ABCB9: variants seen among roughly 807,000 people sequenced by gnomAD.
The protein encoded by ABCB9 is ABC-type oligopeptide transporter ABCB9.
A neutral mutation model predicts 62.0 loss-of-function variants in ABCB9; 36 were observed. That is an observed-to-expected ratio of 0.58 (90% CI 0.45 to 0.77). The LOEUF (loss-of-function observed/expected upper bound fraction) is 0.77, where lower values mean the gene tolerates loss of function less well. Ranked by LOEUF, ABCB9 falls within the 30% of genes least tolerant of loss-of-function variation. The probability of loss-of-function intolerance (pLI) is 0.00; values close to 1 mark genes in which losing one functional copy is unlikely to be tolerated. For missense variants in ABCB9, 943 were observed against 1,054.7 expected (o/e 0.89, Z 1.47); for synonymous variants, 435 against 461.4 (o/e 0.94, Z 0.73).
intron 1 of ABCB9, chr12:122,973,033 G>C (rs1566206231): frequency 6.6e-6 from 1 of 152,194 alleles, no homozygotes; most frequent in Non-Finnish European, 1.5e-5. Flanking sequence ...TAAAATGGGG[G>C]TAATAATACC....
downstream of ABCB9, among the ~76,000 whole-genome samples, chr12:122,926,644 T>G (rs537305442): frequency 6.6e-6 from 1 of 152,266 alleles, no homozygotes; most frequent in East Asian, 1.9e-4. Context: ...AGCTCAACAC[T>G]TTGGGAGGCC....
At chr12:122,958,623 G>A (rs1447947540) in intron 2 of ABCB9, among the ~76,000 whole-genome samples, 1 of 152,144 alleles carries the variant, frequency 6.6e-6, no homozygotes, top group Non-Finnish European at 1.5e-5. Flanking sequence ...AGGATCACTT[G>A]AGCCCAGGAG....
At chr12:122,919,310 C>A (rs886701932), downstream of ABCB9, among the ~76,000 whole-genome samples, 1 of 152,028 alleles carries the variant, frequency 6.6e-6, no homozygotes, top group African/African-American at 2.4e-5. Flanking sequence ...GTAGCTGGGA[C>A]GACCGGTATG....
intron 7 of ABCB9, among the ~76,000 whole-genome samples, chr12:122,941,551 C>T (rs896818004): frequency 2.0e-5 from 3 of 151,884 alleles, no homozygotes; most frequent in Admixed American, 6.6e-5. Flanking sequence ...TTAAGTGATC[C>T]GCCCACCTCA....
At chr12:122,950,402 G>A (rs1255493389) in intron 3 of ABCB9, 49 bp downstream of exon 3, 1 of 1,524,240 alleles carries the variant, frequency 6.6e-7, no homozygotes, top group Admixed American at 1.8e-5. Flanking sequence ...TTCCCTCCCT[G>A]GTGCAGGTCG....
At chr12:122,946,332 T>C (rs1477630349) in intron 5 of ABCB9, 110 bp from the exon 6 acceptor site, 1 of 1,082,788 alleles carries the variant, frequency 9.2e-7, no homozygotes, top group Non-Finnish European at 1.4e-6. Context: ...ACCAGCTATA[T>C]GCAAGAGGTT....
In ABCB9 at chr12:122,950,539, C is replaced by G; in HGVS notation, c.628G>C (p.Gly210Arg). Residue 210 changes from glycine to arginine, a missense_variant, in exon 3 of 12, where the codon GGC (glycine) becomes CGC (arginine). Physicochemically the swap from Gly to Arg is moderately radical, Grantham distance 125. Transcript: ENST00000280560. ...ATGACGATGCCATCAATGGCGCGGC[C>G]CGTGTAGTAGGGCAGGAAGGTCTCT... ...LGETFLPYYTGRAIDGIVIQK... is the reference protein window; with the variant it reads ...LGETFLPYYTRRAIDGIVIQK... 1 of 1,612,858 alleles carries G rather than the reference C, an allele frequency of 6.2e-7. No homozygotes were observed. The highest frequency in any genetic ancestry group is 8.5e-7 in the Non-Finnish European group (1 of 1,179,948).
Position 122,930,108 on chromosome 12 carries a change from T to G in ABCB9, c.2104A>C (p.Ser702Arg). 3 of 1,556,800 alleles carry G rather than the reference T, an allele frequency of 1.9e-6. No individual in the cohort carries two copies. The highest frequency in any genetic ancestry group is 2.6e-6 in the Non-Finnish European group (3 of 1,150,192). ...ATGAGGTGCGCGTGCTCCACGGTGC[T>G]CAGCCGGTGCGCGATGATGAGTACC... ...HTVLIIAHRL[S>R]TVEHAHLIVV... is the part of the protein sequence containing the mutation. Residue 702 changes from serine to arginine, a missense_variant, in exon 12 of 12, where the codon AGC becomes CGC. Coordinates refer to ENST00000280560, the MANE Select transcript of ABCB9 (RefSeq NM_019625.4). The surrounding 1 kb of genome is among the most constrained non-coding windows in gnomAD (Gnocchi z 4.9).
upstream of ABCB9, among the ~76,000 whole-genome samples, chr12:122,971,118 T>C (rs914408994): frequency 4.6e-5 from 7 of 152,184 alleles, no homozygotes; most frequent in South Asian, 4.1e-4. Context: ...TCAAAAACTA[T>C]AGGCCTGTAA....
chr12:122,933,441 C>A (rs2135769394), intron 10 of ABCB9, among the ~76,000 whole-genome samples: 1 of 152,154 alleles, frequency 6.6e-6, no homozygotes, highest in Admixed American at 6.5e-5. Flanking sequence ...GTAATCCCAG[C>A]TACTCGGGAG....
intron 1 of ABCB9, among the ~76,000 whole-genome samples, chr12:122,973,788 G>A (rs1271348339): frequency 1.3e-5 from 2 of 151,934 alleles, no homozygotes; most frequent in Non-Finnish European, 1.5e-5. Context: ...GTGAACCCGG[G>A]AGGCAGAGCT....
chr12:122,973,748 C>G (rs1262365951), intron 1 of ABCB9, among the ~76,000 whole-genome samples: 4 of 152,102 alleles, frequency 2.6e-5, no homozygotes, highest in Non-Finnish European at 5.9e-5. Flanking sequence ...GTAGTCCCAG[C>G]TACTCGGGAG....
At chr12:122,918,931 C>G (rs188080281), downstream of ABCB9, among the ~76,000 whole-genome samples, 3 of 152,272 alleles carry the variant, frequency 2.0e-5, no homozygotes, top group East Asian at 5.8e-4. Flanking sequence ...AACCTCTAAT[C>G]TGCTTTCTAT....
At chr12:122,919,597 A>G (rs1340277712), downstream of ABCB9, among the ~76,000 whole-genome samples, 2 of 152,098 alleles carry the variant, frequency 1.3e-5, no homozygotes, top group African/African-American at 4.8e-5. Flanking sequence ...AGACCACCCC[A>G]GCTCAAACAG....
At chr12:122,968,183 A>G (rs2037228835), upstream of ABCB9, among the ~76,000 whole-genome samples, 1 of 152,256 alleles carries the variant, frequency 6.6e-6, no homozygotes, top group Admixed American at 6.5e-5. Flanking sequence ...CTATTGGTGC[A>G]AAAACAAAGG....
intron 11 of ABCB9, among the ~76,000 whole-genome samples, chr12:122,923,535 CGCCTTG>C (rs1398002535): frequency 6.6e-6 from 1 of 152,020 alleles, no homozygotes; most frequent in Non-Finnish European, 1.5e-5. Context: ...GTGATCCGCC[CGCCTTG>C]GCCTCCCAAA....
At chr12:122,963,376 G>A (rs184853396) in intron 1 of ABCB9, among the ~76,000 whole-genome samples, 20 of 152,182 alleles carry the variant, frequency 1.3e-4, no homozygotes, top group Admixed American at 9.2e-4. Context: ...GACTGCTGAG[G>A]CTAATTGCTG....
intron 10 of ABCB9, among the ~76,000 whole-genome samples, chr12:122,933,621 C>T (rs756250251): frequency 6.6e-6 from 1 of 151,890 alleles, no homozygotes; most frequent in Non-Finnish European, 1.5e-5. Context: ...CAACCACCAC[C>T]TCTACTGAAT....
At chr12:122,935,169 C>T in intron 10 of ABCB9, 103 bp downstream of exon 10, 1 of 1,356,534 alleles carries the variant, frequency 7.4e-7, no homozygotes, top group Non-Finnish European at 9.7e-7. Flanking sequence ...CCCATCTCTA[C>T]AAAAAAAAGA....
Sources: allele counts gnomAD v4.1 joint callset (sites outside exome capture counted in the v4.1 genomes callset), GRCh38; gene constraint gnomAD v4.1.1; non-coding constraint Gnocchi (gnomAD v3.1); transcripts MANE v1.5; gene names NCBI Gene and HGNC (gene_info 2026-07-23, HGNC 2026-07-21).